The following ST6GALNAC3 variants were observed in gnomAD, a reference collection of about 807,000 sequenced individuals.
ST6GALNAC3 encodes the protein alpha-N-acetylgalactosaminide alpha-2,6-sialyltransferase 3.
A neutral mutation model predicts 32.7 loss-of-function variants in ST6GALNAC3; 25 were observed. The observed-to-expected ratio is 0.76, with a 90% confidence interval of 0.56 to 1.07. ST6GALNAC3 has a LOEUF of 1.07. ST6GALNAC3 is among the 50% of genes least tolerant of loss of function. ST6GALNAC3 has a pLI of 0.00. For synonymous variants in ST6GALNAC3, 129 were observed against 133.1 expected (o/e 0.97, Z 0.21); for missense variants, 355 against 382.4 (o/e 0.93, Z 0.60).
At chr1:76,288,467 A>G (rs1455839114) in intron 1 of ST6GALNAC3, among the ~76,000 whole-genome samples, 5 of 152,222 alleles carry the variant, frequency 3.3e-5, no homozygotes, top group South Asian at 2.1e-4. Flanking sequence ...AACTAGAAGT[A>G]TAAGTTCTAA....
chr1:76,393,014 C>A (rs1463562649), intron 2 of ST6GALNAC3, among the ~76,000 whole-genome samples: 1 of 152,190 alleles, frequency 6.6e-6, no homozygotes, highest in African/African-American at 2.4e-5. Context: ...ATACACTTCA[C>A]TGCCATCTGG....
At chr1:76,277,782 ATC>A (rs1346285296) in intron 1 of ST6GALNAC3, among the ~76,000 whole-genome samples, 1 of 151,956 alleles carries the variant, frequency 6.6e-6, no homozygotes, top group Admixed American at 6.5e-5. Context: ...CTGTAATGGT[ATC>A]TCTGTCATCT....
chr1:76,560,112 T>G (rs532948655), intron 3 of ST6GALNAC3, among the ~76,000 whole-genome samples: 87 of 152,254 alleles, frequency 5.7e-4, no homozygotes, highest in African/African-American at 2.1e-3. Context: ...TAAATGATGC[T>G]GGGAAAACTA....
At chr1:76,462,153 C>T (rs533965044) in intron 3 of ST6GALNAC3, among the ~76,000 whole-genome samples, 2 of 152,084 alleles carry the variant, frequency 1.3e-5, no homozygotes, top group South Asian at 4.1e-4. Flanking sequence ...AGCAATGATG[C>T]TGTGTTGTTT....
chr1:76,293,628 C>T (rs1470148515), intron 1 of ST6GALNAC3, among the ~76,000 whole-genome samples: 2 of 152,088 alleles, frequency 1.3e-5, no homozygotes, highest in Non-Finnish European at 2.9e-5. Flanking sequence ...TTCACAAGGT[C>T]AATGCAAGAA....
intron 1 of ST6GALNAC3, among the ~76,000 whole-genome samples, chr1:76,107,195 T>C (rs1209331446): frequency 1.3e-5 from 2 of 152,226 alleles, no homozygotes; most frequent in Admixed American, 6.5e-5. Context: ...CTGACTAACT[T>C]CTTCCCTGCC....
Position 76,624,290 on chromosome 1 carries a change from AG to A in ST6GALNAC3, c.624-3160del, listed in dbSNP as rs1648825704. Among the ~76,000 whole-genome samples, 5 of 152,120 alleles carry A rather than the reference AG, an allele frequency of 3.3e-5. No homozygotes were observed. In the South Asian group the frequency reaches 1.0e-3, roughly 32 times the overall value. ...AGAAATGTGGTAAAGTTTCCTTATT[AG>A]GTGGTAAGATGGCAAGATCCTTGAC... is the stretch of plus-strand genomic sequence containing the variant. On this transcript the variant is annotated intron_variant, in intron 3 of 4. Coordinates refer to ENST00000328299, the MANE Select transcript of ST6GALNAC3 (RefSeq NM_152996.4).
chr1:76,116,263 A>C (rs1165603229), intron 1 of ST6GALNAC3, among the ~76,000 whole-genome samples: 2 of 152,146 alleles, frequency 1.3e-5, no homozygotes, highest in East Asian at 1.9e-4. Context: ...GTATGCCCAG[A>C]CCATGAAGTC....
chr1:76,185,580 CT>C (rs1175117552), intron 1 of ST6GALNAC3, among the ~76,000 whole-genome samples: 1 of 152,180 alleles, frequency 6.6e-6, no homozygotes, highest in Non-Finnish European at 1.5e-5. Context: ...CTCCTCACCC[CT>C]GATGCATTTG....
chr1:76,448,528 C>A (rs561122901), intron 3 of ST6GALNAC3, among the ~76,000 whole-genome samples: 48 of 152,208 alleles, frequency 3.2e-4, no homozygotes, highest in South Asian at 1.9e-3. Flanking sequence ...GGCTCTGTGT[C>A]CCTACCCAAA....
intron 1 of ST6GALNAC3, among the ~76,000 whole-genome samples, chr1:76,153,410 A>C (rs1160822194): frequency 2.0e-5 from 3 of 152,046 alleles, no homozygotes; most frequent in Non-Finnish European, 4.4e-5. Context: ...GCTAGAGTGT[A>C]CCTGTGAGCC....
chr1:76,601,217 G>T (rs1208839490), intron 3 of ST6GALNAC3, among the ~76,000 whole-genome samples: 1 of 151,868 alleles, frequency 6.6e-6, no homozygotes, highest in African/African-American at 2.4e-5. Context: ...AGGAAGGAAG[G>T]AAGGAAGAAA....
chr1:76,213,176 G>A (rs1655263193), intron 1 of ST6GALNAC3, among the ~76,000 whole-genome samples: 1 of 152,106 alleles, frequency 6.6e-6, no homozygotes, highest in African/African-American at 2.4e-5. Flanking sequence ...AGGGCCATGG[G>A]GTTGGATTCT....
At chr1:76,608,804 C>A (rs796161240) in intron 3 of ST6GALNAC3, among the ~76,000 whole-genome samples, 7 of 152,140 alleles carry the variant, frequency 4.6e-5, no homozygotes, top group African/African-American at 1.4e-4. Context: ...TATTTTTGCA[C>A]CAGTGGAATT....
At chr1:76,356,605 A>G (rs911684801) in intron 2 of ST6GALNAC3, among the ~76,000 whole-genome samples, 2 of 152,130 alleles carry the variant, frequency 1.3e-5, no homozygotes, top group African/African-American at 4.8e-5. Context: ...GTGGACAGGG[A>G]AGGGTTAGAG....
At chr1:76,522,352 T>C (rs933324129) in intron 3 of ST6GALNAC3, among the ~76,000 whole-genome samples, 1 of 152,170 alleles carries the variant, frequency 6.6e-6, no homozygotes, top group Non-Finnish European at 1.5e-5. Context: ...TTGGAAATTT[T>C]TTTTGCCATT....
intron 1 of ST6GALNAC3, among the ~76,000 whole-genome samples, chr1:76,191,986 A>G (rs953492008): frequency 3.3e-5 from 5 of 152,122 alleles, no homozygotes; most frequent in African/African-American, 9.7e-5. Flanking sequence ...AGAAAAACAC[A>G]CTGATGGGTA....
At chr1:76,214,448 T>C (rs1655345202) in intron 1 of ST6GALNAC3, among the ~76,000 whole-genome samples, 1 of 152,178 alleles carries the variant, frequency 6.6e-6, no homozygotes, top group South Asian at 2.1e-4. Flanking sequence ...GAAATGTTTT[T>C]AAGATTGTTA....
intron 1 of ST6GALNAC3, among the ~76,000 whole-genome samples, chr1:76,250,244 A>G (rs969013517): frequency 2.6e-5 from 4 of 152,202 alleles, no homozygotes; most frequent in Admixed American, 1.3e-4. Flanking sequence ...TGCAATTTCT[A>G]AGCAGTTCTT....
Sources: gnomAD v4.1 joint callset for allele counts (sites outside exome capture counted in the v4.1 genomes callset) on GRCh38, gnomAD v4.1.1 for gene constraint, MANE v1.5 for transcripts, NCBI Gene and HGNC (gene_info 2026-07-23, HGNC 2026-07-21) for gene names.